FAM110B: variants seen among roughly 807,000 people sequenced by gnomAD.
FAM110B encodes the protein family with sequence similarity 110 member B.
FAM110B carries 6 observed loss-of-function variants against 20.4 expected under a neutral mutation model. The observed-to-expected ratio is 0.29, with a 90% CI of 0.16 to 0.58. FAM110B has a LOEUF of 0.58. FAM110B is among the 20% of genes least tolerant of loss of function. The pLI is 0.90. For missense variants in FAM110B, 434 were observed against 498.2 expected (o/e 0.87, Z 1.23); for synonymous variants, 226 against 214.1 (o/e 1.06, Z -0.49).
intron 3 of FAM110B, among the ~76,000 whole-genome samples, chr8:58,126,889 A>C (rs1038852994): frequency 1.3e-5 from 2 of 152,132 alleles, no homozygotes; most frequent in African/African-American, 4.8e-5. Flanking sequence ...ACAGATAAAA[A>C]GTTTTTGTAA....
intron 3 of FAM110B, among the ~76,000 whole-genome samples, chr8:58,082,824 C>T (rs56780714): frequency 0.06 from 9,014 of 150,514 alleles, 425 homozygotes; most frequent in African/African-American, 0.13. Context: ...GTGAGACCCC[C>T]ATCTCCATTT....
chr8:58,034,113 C>T (rs934478779), intron 2 of FAM110B, among the ~76,000 whole-genome samples: 5 of 152,136 alleles, frequency 3.3e-5, no homozygotes, highest in East Asian at 1.9e-4. Context: ...CTACTATGGC[C>T]GAGGGACACA....
intron 3 of FAM110B, among the ~76,000 whole-genome samples, chr8:58,090,772 A>G (rs193052656): frequency 6.6e-6 from 1 of 152,316 alleles, no homozygotes; most frequent in East Asian, 1.9e-4. Flanking sequence ...CTCAGTATTT[A>G]TAAAGATTGA....
chr8:58,075,285 G>GTGTGTGTGTGTGTGTGTGTA (rs1806010009), intron 2 of FAM110B, among the ~76,000 whole-genome samples: 1 of 149,400 alleles, frequency 6.7e-6, no homozygotes. Context: ...TTGTGTGTGT[G>GTGTGTGTGTGTGTGTGTGTA]TGTGTGTGTG....
intron 3 of FAM110B, among the ~76,000 whole-genome samples, chr8:58,135,759 GCT>G (rs1803595827): frequency 6.6e-6 from 1 of 152,178 alleles, no homozygotes; most frequent in East Asian, 1.9e-4. Context: ...TCTGGTCTGG[GCT>G]CTCTCTGCCA....
chr8:58,070,221 A>T (rs1805861178), intron 2 of FAM110B: 1 of 152,224 alleles, frequency 6.6e-6, no homozygotes, highest in Admixed American at 6.5e-5. Flanking sequence ...TTAGAGACAT[A>T]GATACAGAGG....
At chr8:58,101,590 C>A (rs1806781293) in intron 3 of FAM110B, among the ~76,000 whole-genome samples, 1 of 151,766 alleles carries the variant, frequency 6.6e-6, no homozygotes, top group Non-Finnish European at 1.5e-5. Flanking sequence ...GACCATGATG[C>A]ATCGTCAATC....
chr8:58,038,360 T>A (rs1262468848), intron 2 of FAM110B, among the ~76,000 whole-genome samples: 1 of 152,212 alleles, frequency 6.6e-6, no homozygotes, highest in Non-Finnish European at 1.5e-5. Flanking sequence ...CATATTTAAT[T>A]TTAACTCCTT....
intron 2 of FAM110B, among the ~76,000 whole-genome samples, chr8:58,054,604 A>G (rs1305883712): frequency 6.6e-6 from 1 of 152,216 alleles, no homozygotes; most frequent in Non-Finnish European, 1.5e-5. Context: ...ATGAGGATAG[A>G]CAGAAGATTG....
At chr8:58,131,282 T>A (rs372641394) in intron 3 of FAM110B, among the ~76,000 whole-genome samples, 11 of 152,168 alleles carry the variant, frequency 7.2e-5, no homozygotes, top group African/African-American at 2.4e-4. Context: ...GCCTTTTTTT[T>A]TCTCTGTTGC....
intron 1 of FAM110B, among the ~76,000 whole-genome samples, chr8:58,016,773 C>G (rs1220197883): frequency 2.6e-5 from 4 of 152,148 alleles, no homozygotes; most frequent in Non-Finnish European, 5.9e-5. Flanking sequence ...CCAAGAGAAG[C>G]TGGTGCAATG....
intron 2 of FAM110B, among the ~76,000 whole-genome samples, chr8:58,062,698 C>T (rs896849946): frequency 6.6e-6 from 1 of 152,188 alleles, no homozygotes; most frequent in Admixed American, 6.5e-5. Context: ...CATAAAATTT[C>T]AGAAACTTGC....
intron 2 of FAM110B, among the ~76,000 whole-genome samples, chr8:58,074,733 G>A (rs1441753648): frequency 1.3e-5 from 2 of 152,112 alleles, no homozygotes; most frequent in Non-Finnish European, 2.9e-5. Flanking sequence ...GTGCTCCTGG[G>A]GCAATCAAGA....
At chr8:58,034,253 T>C (rs1805030736) in intron 2 of FAM110B, among the ~76,000 whole-genome samples, 1 of 152,160 alleles carries the variant, frequency 6.6e-6, no homozygotes, top group Non-Finnish European at 1.5e-5. Flanking sequence ...GGTCTTGTGC[T>C]CCGGGTATCA....
At chr8:58,120,955 C>T (rs1308707987) in intron 3 of FAM110B, among the ~76,000 whole-genome samples, 1 of 152,180 alleles carries the variant, frequency 6.6e-6, no homozygotes, top group Non-Finnish European at 1.5e-5. Flanking sequence ...ATGCCACTCC[C>T]TTCAGTTACA....
chr8:58,075,827 G>A, intron 3 of FAM110B, among the ~76,000 whole-genome samples: 1 of 152,114 alleles, frequency 6.6e-6, no homozygotes, highest in Non-Finnish European at 1.5e-5. Context: ...CAAAGTATCG[G>A]TGATGGCTGT....
chr8:58,011,266 A>G (rs1388857458), intron 1 of FAM110B, among the ~76,000 whole-genome samples: 1 of 152,194 alleles, frequency 6.6e-6, no homozygotes, highest in East Asian at 1.9e-4. Flanking sequence ...CTAAATTCCT[A>G]TGGCTCTAAG....
intron 3 of FAM110B, among the ~76,000 whole-genome samples, chr8:58,078,576 A>T (rs1806097576): frequency 8.0e-6 from 1 of 124,846 alleles, no homozygotes; most frequent in Admixed American, 8.8e-5. Context: ...TTTGAGACAG[A>T]GTCTGGCTCT....
intron 2 of FAM110B, among the ~76,000 whole-genome samples, chr8:58,074,888 A>G (rs1040030955): frequency 1.6e-4 from 25 of 152,186 alleles, no homozygotes; most frequent in African/African-American, 5.8e-4. Context: ...CCTGGAAGTA[A>G]GATATGATGC....
Sources: allele counts gnomAD v4.1 joint callset (sites outside exome capture counted in the v4.1 genomes callset), GRCh38; gene constraint gnomAD v4.1.1; transcripts MANE v1.5; gene names NCBI Gene and HGNC (gene_info 2026-07-23, HGNC 2026-07-21).